Variants in LRMDA observed in about 807,000 individuals in gnomAD.
LRMDA encodes the protein leucine-rich melanocyte differentiation-associated protein.
In LRMDA, 18 loss-of-function variants were observed where a neutral mutation model predicts 29.8. The ratio of observed to expected loss-of-function variants is 0.60; its 90% confidence interval spans 0.42 to 0.90. The LOEUF is 0.90. Among genes scored for constraint, LRMDA ranks in the 40% least tolerant of loss-of-function variants. The probability of loss-of-function intolerance (pLI) is 0.00; values close to 1 mark genes in which losing one functional copy is unlikely to be tolerated. For missense variants in LRMDA, 273 were observed against 273.9 expected (o/e 1.00, Z 0.02); for synonymous variants, 125 against 109.4 (o/e 1.14, Z -0.89).
At chr10:76,503,167 T>G (rs1842927810) in intron 6 of LRMDA, among the ~76,000 whole-genome samples, 2 of 151,948 alleles carry the variant, frequency 1.3e-5, no homozygotes, top group Non-Finnish European at 2.9e-5. Flanking sequence ...TGGCTTTTGG[T>G]TTTAATTCTG....
chr10:75,972,711 A>G (rs970166963), intron 2 of LRMDA, among the ~76,000 whole-genome samples: 2 of 152,152 alleles, frequency 1.3e-5, no homozygotes, highest in African/African-American at 4.8e-5. Flanking sequence ...GTCCAAATAC[A>G]TGAGAGATCG....
chr10:76,299,919 A>G (rs1204988846), intron 5 of LRMDA, among the ~76,000 whole-genome samples: 29 of 152,290 alleles, frequency 1.9e-4, no homozygotes, highest in Non-Finnish European at 2.9e-5. Flanking sequence ...TCTGCTTTAC[A>G]TCTTTGTAAA....
At chr10:76,172,247 A>G (rs1223137085) in intron 5 of LRMDA, among the ~76,000 whole-genome samples, 3 of 152,196 alleles carry the variant, frequency 2.0e-5, no homozygotes, top group Non-Finnish European at 2.9e-5. Flanking sequence ...AAATTTCAAC[A>G]TGAGTTTTGT....
chr10:75,691,262 G>GTATATA (rs3041681), intron 2 of LRMDA, among the ~76,000 whole-genome samples: 47 of 141,096 alleles, frequency 3.3e-4, no homozygotes, highest in African/African-American at 6.3e-4. Flanking sequence ...ATGTATATGT[G>GTATATA]TATATATATA....
intron 2 of LRMDA, among the ~76,000 whole-genome samples, chr10:75,720,376 A>T (rs1187238127): frequency 6.6e-6 from 1 of 152,192 alleles, no homozygotes; most frequent in Non-Finnish European, 1.5e-5. Context: ...ACATATCGTG[A>T]TTCTTCCATC....
intron 5 of LRMDA, among the ~76,000 whole-genome samples, chr10:76,257,835 G>C (rs1852626165): frequency 6.6e-6 from 1 of 152,140 alleles, no homozygotes; most frequent in Non-Finnish European, 1.5e-5. Flanking sequence ...GACTGACTTG[G>C]TTGGGGCTGG....
chr10:75,810,682 T>C (rs80264019), intron 2 of LRMDA, among the ~76,000 whole-genome samples: 28,723 of 152,090 alleles, frequency 0.19, 2,936 homozygotes, highest in Admixed American at 0.24. Flanking sequence ...GTTTTTGCTT[T>C]GGTGGTGGCA....
chr10:75,504,044 C>T (rs1845145196), intron 2 of LRMDA, among the ~76,000 whole-genome samples: 1 of 141,300 alleles, frequency 7.1e-6, no homozygotes, highest in Non-Finnish European at 1.5e-5. Context: ...GACAGGGTCT[C>T]ACTCTACCAC....
At chr10:75,578,215 C>CAAAAAAGAAAAAA (rs1840533653) in intron 2 of LRMDA, among the ~76,000 whole-genome samples, 1 of 14,226 alleles carries the variant, frequency 7.0e-5, no homozygotes, top group Non-Finnish European at 1.7e-4. Flanking sequence ...AAATGGAAAG[C>CAAAAAAGAAAAAA]AAAAAAAAAA....
chr10:75,527,631 TA>T (rs1455070208), intron 2 of LRMDA, among the ~76,000 whole-genome samples: 1 of 149,358 alleles, frequency 6.7e-6, no homozygotes, highest in Non-Finnish European at 1.5e-5. Context: ...GAGGCACCAG[TA>T]ACATAGAATA....
chr10:75,604,720 T>A (rs2132093869), intron 2 of LRMDA, among the ~76,000 whole-genome samples: 1 of 152,306 alleles, frequency 6.6e-6, no homozygotes, highest in African/African-American at 2.4e-5. Flanking sequence ...GCCAAAATAC[T>A]ATGATTTTAA....
At chr10:76,451,179 G>A (rs1842402081) in intron 6 of LRMDA, among the ~76,000 whole-genome samples, 2 of 151,872 alleles carry the variant, frequency 1.3e-5, no homozygotes, top group African/African-American at 2.4e-5. Flanking sequence ...TGTCTAGGAA[G>A]CATTCTTCTG....
At chr10:76,470,459 C>A (rs1432418721) in intron 6 of LRMDA, 2 of 152,056 alleles carry the variant, frequency 1.3e-5, no homozygotes, top group South Asian at 2.1e-4. Context: ...ATGTTCATAG[C>A]AGCCTTATTC....
chr10:76,125,396 G>T (rs1244180500), intron 5 of LRMDA, among the ~76,000 whole-genome samples: 2 of 152,186 alleles, frequency 1.3e-5, no homozygotes, highest in Non-Finnish European at 2.9e-5. Flanking sequence ...GCAAAATGTT[G>T]ATATGATAGT....
At chr10:75,691,145 TATCTATATACATAGATATATAG>T (rs1842147667) in intron 2 of LRMDA, among the ~76,000 whole-genome samples, 4 of 101,586 alleles carry the variant, frequency 3.9e-5, no homozygotes, top group African/African-American at 6.9e-5. Context: ...TAGATCTATA[TATCTATATACATAGATATATAG>T]ATCTATATAT....
chr10:76,422,881 A>G (rs1564537096), intron 6 of LRMDA, among the ~76,000 whole-genome samples: 1 of 152,208 alleles, frequency 6.6e-6, no homozygotes, highest in Non-Finnish European at 1.5e-5. Context: ...ATTTATAGCA[A>G]TTTACTTCCT....
intron 2 of LRMDA, among the ~76,000 whole-genome samples, chr10:75,561,743 T>C (rs1840298440): frequency 6.6e-6 from 1 of 152,030 alleles, no homozygotes; most frequent in African/African-American, 2.4e-5. Context: ...TTTGTTCTCG[T>C]TGGTTTCAAA....
intron 2 of LRMDA, among the ~76,000 whole-genome samples, chr10:75,618,374 CTCTCTCTCTATA>C (rs58103298): frequency 0.18 from 17,117 of 93,404 alleles, 1,108 homozygotes; most frequent in Middle Eastern, 0.25. Context: ...CTCTCTCTCT[CTCTCTCTCTATA>C]TATATATATA....
chr10:76,238,797 C>CT (rs10717351), intron 5 of LRMDA, among the ~76,000 whole-genome samples: 14 of 148,664 alleles, frequency 9.4e-5, no homozygotes, highest in Admixed American at 2.0e-4. Flanking sequence ...AAAGTTGTTT[C>CT]TTTTTTTTTT....
Sources: gnomAD v4.1 joint callset for allele counts (sites outside exome capture counted in the v4.1 genomes callset) on GRCh38, gnomAD v4.1.1 for gene constraint, MANE v1.5 for transcripts, NCBI Gene and HGNC (gene_info 2026-07-23, HGNC 2026-07-21) for gene names.